The following FOXP1 variants were observed in gnomAD, a reference collection of about 807,000 sequenced individuals.
FOXP1 encodes the protein forkhead box P1.
In FOXP1, 15 loss-of-function variants were observed where a neutral mutation model predicts 98.2. The observed-to-expected ratio is 0.15, with a 90% confidence interval of 0.10 to 0.24. The LOEUF (loss-of-function observed/expected upper bound fraction) is 0.24. Ranked by LOEUF, FOXP1 falls within the 10% of genes least tolerant of loss-of-function variation. The pLI, the probability that FOXP1 is intolerant of heterozygous loss-of-function variation, is 1.00. For synonymous variants in FOXP1, 371 were observed against 314.5 expected, an observed-to-expected ratio of 1.18 and a Z score of -1.90; for missense variants, 633 against 848.5, an observed-to-expected ratio of 0.75 and a Z score of 3.15.
intron 6 of FOXP1, among the ~76,000 whole-genome samples, chr3:71,163,566 A>G (rs1359544943): frequency 6.6e-6 from 1 of 152,178 alleles, no homozygotes; most frequent in African/African-American, 2.4e-5. Context: ...AGCATTATCA[A>G]GGAATTTGGC....
intron 5 of FOXP1, among the ~76,000 whole-genome samples, chr3:71,239,855 C>T (rs1188089013): frequency 6.6e-6 from 1 of 152,210 alleles, no homozygotes; most frequent in Non-Finnish European, 1.5e-5. Flanking sequence ...TTCCATATTC[C>T]AGTTGCCACT....
chr3:71,453,984 G>T (rs2087195570), intron 3 of FOXP1, among the ~76,000 whole-genome samples: 1 of 152,162 alleles, frequency 6.6e-6, no homozygotes, highest in South Asian at 2.1e-4. Context: ...AACAGGCCTG[G>T]CAGGTATTTC....
At chr3:71,267,907 A>G (rs1184617606) in intron 5 of FOXP1, among the ~76,000 whole-genome samples, 1 of 150,986 alleles carries the variant, frequency 6.6e-6, no homozygotes, top group Non-Finnish European at 1.5e-5. Flanking sequence ...AATCCCAGCT[A>G]TTCGGGAGGC....
chr3:71,314,424 A>G (rs1270837514), intron 4 of FOXP1, among the ~76,000 whole-genome samples: 1 of 151,948 alleles, frequency 6.6e-6, no homozygotes, highest in Non-Finnish European at 1.5e-5. Context: ...GCTACTCGGG[A>G]GGCTGAGACA....
rs191682003 is a variant in FOXP1 at position 71,473,841 on chromosome 3, A to G, written c.-168+19585T>C. ...TACCCTGCAAGCTATGACACACACA[A>G]AAAGAACTGTTACATCTCTAATAGT... On this transcript the variant is annotated intron_variant, in intron 3 of 20. Transcript: ENST00000649528. Among the ~76,000 whole-genome samples, 6 of 152,284 alleles carry G rather than the reference A, an allele frequency of 3.9e-5. No individual in the cohort carries two copies. The East Asian group carries it at 1.2e-3, about 29-fold the overall frequency.
chr3:71,533,010 CAGAA>C, intron 2 of FOXP1, among the ~76,000 whole-genome samples: 1 of 152,276 alleles, frequency 6.6e-6, no homozygotes, highest in South Asian at 2.1e-4. Context: ...CTCCTGCAAT[CAGAA>C]AGAAAGAGTT....
intron 5 of FOXP1, among the ~76,000 whole-genome samples, chr3:71,202,828 A>C (rs1275518906): frequency 6.6e-6 from 1 of 152,202 alleles, no homozygotes; most frequent in African/African-American, 2.4e-5. Context: ...TTTGCAAACA[A>C]CTGTCTTTTT....
chr3:71,402,717 G>T (rs953166275), intron 3 of FOXP1, among the ~76,000 whole-genome samples: 1 of 152,176 alleles, frequency 6.6e-6, no homozygotes, highest in Non-Finnish European at 1.5e-5. Context: ...GGAATGGAAC[G>T]GGTACCCCAA....
chr3:71,461,888 A>C (rs2088162022), intron 3 of FOXP1, among the ~76,000 whole-genome samples: 1 of 151,682 alleles, frequency 6.6e-6, no homozygotes, highest in Admixed American at 6.6e-5. Context: ...CCCCATCAAG[A>C]GAAGATTGGC....
chr3:71,386,714 G>T (rs1176741685), intron 3 of FOXP1, among the ~76,000 whole-genome samples: 1 of 126,718 alleles, frequency 7.9e-6, no homozygotes, highest in Non-Finnish European at 1.6e-5. Flanking sequence ...CTGCACTCTA[G>T]CCTGTTGACA....
intron 7 of FOXP1, among the ~76,000 whole-genome samples, chr3:71,084,384 C>A (rs763761616): frequency 6.6e-6 from 1 of 151,728 alleles, no homozygotes; most frequent in Non-Finnish European, 1.5e-5. Context: ...ACAAACTCTA[C>A]AATGATTCAC....
At chr3:71,081,402 C>T (rs2054400368) in intron 7 of FOXP1, among the ~76,000 whole-genome samples, 1 of 152,016 alleles carries the variant, frequency 6.6e-6, no homozygotes, top group South Asian at 2.1e-4. Context: ...TTAATCCCAC[C>T]CCCTCACTCC....
intron 2 of FOXP1, among the ~76,000 whole-genome samples, chr3:71,531,942 C>T (rs1036015056): frequency 1.3e-5 from 2 of 152,116 alleles, no homozygotes; most frequent in Non-Finnish European, 2.9e-5. Flanking sequence ...CTGAAAAAAC[C>T]GAATGTCATT....
chr3:71,035,616 T>C (rs1461019550), intron 11 of FOXP1, among the ~76,000 whole-genome samples: 1 of 152,236 alleles, frequency 6.6e-6, no homozygotes, highest in Non-Finnish European at 1.5e-5. Flanking sequence ...TTGACTCATG[T>C]TGGCAGGAAG....
chr3:71,152,758 G>A (rs1321830373), intron 6 of FOXP1, among the ~76,000 whole-genome samples: 1 of 152,186 alleles, frequency 6.6e-6, no homozygotes, highest in Non-Finnish European at 1.5e-5. Flanking sequence ...ACACTCAGAA[G>A]GCAGTGAACC....
intron 3 of FOXP1, among the ~76,000 whole-genome samples, chr3:71,458,785 G>A (rs1030795338): frequency 2.6e-5 from 4 of 152,042 alleles, no homozygotes; most frequent in African/African-American, 4.8e-5. Flanking sequence ...AAATTACACA[G>A]GTATAATTAT....
At chr3:71,498,889 T>C (rs2041116336) in intron 2 of FOXP1, among the ~76,000 whole-genome samples, 1 of 152,210 alleles carries the variant, frequency 6.6e-6, no homozygotes, top group Non-Finnish European at 1.5e-5. Context: ...CACCATCCTT[T>C]GAGAACCAGT....
intron 6 of FOXP1, among the ~76,000 whole-genome samples, chr3:71,139,109 C>T (rs2059949613): frequency 6.6e-6 from 1 of 152,052 alleles, no homozygotes; most frequent in Non-Finnish European, 1.5e-5. Context: ...TTTATGATTA[C>T]AATCCTGAGA....
intron 6 of FOXP1, among the ~76,000 whole-genome samples, chr3:71,151,194 A>G (rs2060555854): frequency 6.6e-6 from 1 of 152,196 alleles, no homozygotes; most frequent in Non-Finnish European, 1.5e-5. Context: ...GGGAGCACAG[A>G]CTTATTTGAG....
Sources: allele counts gnomAD v4.1 joint callset (sites outside exome capture counted in the v4.1 genomes callset), GRCh38; gene constraint gnomAD v4.1.1; transcripts MANE v1.5; gene names NCBI Gene and HGNC (gene_info 2026-07-23, HGNC 2026-07-21).